Variants in DCAF1 observed in about 807,000 individuals in gnomAD.
DCAF1 encodes DDB1 and CUL4 associated factor 1.
Under a neutral mutation model 128.0 loss-of-function variants are expected in DCAF1, and 15 were observed. The ratio of observed to expected loss-of-function variants is 0.12; its 90% CI spans 0.08 to 0.18. The LOEUF (loss-of-function observed/expected upper bound fraction) is 0.18, where lower values mean the gene tolerates loss of function less well. DCAF1 is among the 10% of genes least tolerant of loss of function. The pLI, the probability that DCAF1 is intolerant of heterozygous loss-of-function variation, is 1.00. For missense variants in DCAF1, 988 were observed against 1,649.5 expected, an observed-to-expected ratio of 0.60 and a Z score of 6.95; for synonymous variants, 610 against 603.0, an observed-to-expected ratio of 1.01 and a Z score of -0.17.
At chr3:51,491,066 G>C (rs1553657765) in intron 2 of DCAF1, among the ~76,000 whole-genome samples, 1 of 149,888 alleles carries the variant, frequency 6.7e-6, no homozygotes, top group Admixed American at 6.7e-5. Flanking sequence ...AAACAAAGTC[G>C]GGGTCAGGCG....
At position 51,440,951 on chromosome 3, in the gene DCAF1, A is replaced by G. The variant is rs765037847; in HGVS notation, c.1128+19T>C. The G allele has an allele frequency of 5.0e-6, 8 of 1,588,384 alleles. No homozygotes were observed. In the Admixed American group the frequency reaches 1.1e-4, roughly 21 times the overall value. Reference sequence around the variant, plus strand: ...TTTTTAAAAAATCCCCGGTGACCCAATATTTTTAAGAACTTTACCTTTAGT... The same window carrying G: ...TTTTTAAAAAATCCCCGGTGACCCAGTATTTTTAAGAACTTTACCTTTAGT... On this transcript the variant is annotated intron_variant, in intron 9 of 24. Transcript: ENST00000684031.
At chr3:51,458,440 C>T (rs1703165223) in intron 6 of DCAF1, among the ~76,000 whole-genome samples, 2 of 152,242 alleles carry the variant, frequency 1.3e-5, no homozygotes, top group South Asian at 4.1e-4. Flanking sequence ...TACAAAGAGA[C>T]TTAGACTCCC....
upstream of DCAF1, among the ~76,000 whole-genome samples, chr3:51,502,595 C>T (rs1267910118): frequency 6.6e-6 from 1 of 151,700 alleles, no homozygotes; most frequent in Admixed American, 6.6e-5. Flanking sequence ...AAAAACAAAC[C>T]CAGCCTGGGG....
intron 8 of DCAF1, 126 bp downstream of exon 8, chr3:51,441,259 T>C: frequency 7.6e-7 from 1 of 1,322,398 alleles, no homozygotes; most frequent in Non-Finnish European, 1.0e-6. Flanking sequence ...ACTTGAACAG[T>C]TTCATGCAAA....
rs782730715 is a variant in DCAF1, at chr3:51,463,216, T to C, written c.273A>G (p.Ala91=). The C allele has an allele frequency of 8.9e-6, 14 of 1,568,136 alleles. No individual in the cohort carries two copies. The highest frequency in any genetic ancestry group is 2.4e-5 in the South Asian group (2 of 83,044). Residue 91 remains alanine, a synonymous_variant, in exon 6 of 25, where the codon GCA becomes GCG. Coordinates refer to ENST00000684031, the MANE Select transcript of DCAF1 (RefSeq NM_001387579.1). ...NDDFMNALVN[A]YVMTSREPPL... ...GGGGCTCTCGGCTTGTCATCACATATGCATTCACCAGCTGTAAAGAAAAAA... is the reference window on the plus strand; with the variant it reads ...GGGGCTCTCGGCTTGTCATCACATACGCATTCACCAGCTGTAAAGAAAAAA...
intron 4 of DCAF1, 39 bp from the exon 5 acceptor site, chr3:51,466,915 G>T: frequency 6.3e-7 from 1 of 1,599,276 alleles, no homozygotes; most frequent in Non-Finnish European, 8.6e-7. Flanking sequence ...AAAGGAATGA[G>T]TAAGTCATCC....
At chr3:51,441,251 T>C (rs1448764505) in intron 8 of DCAF1, 134 bp downstream of exon 8, 2 of 1,277,422 alleles carry the variant, frequency 1.6e-6, no homozygotes, top group African/African-American at 1.5e-5. Context: ...TGCATAAGAC[T>C]TGAACAGTTT....
At chr3:51,423,921 T>C (rs763320052) in intron 13 of DCAF1, among the ~76,000 whole-genome samples, 24 of 151,674 alleles carry the variant, frequency 1.6e-4, no homozygotes, top group Non-Finnish European at 2.9e-4. Flanking sequence ...AAAACCCACA[T>C]AGACAAGAGC....
intron 18 of DCAF1, among the ~76,000 whole-genome samples, chr3:51,415,157 T>G (rs1201328283): frequency 3.9e-5 from 6 of 152,130 alleles, no homozygotes; most frequent in Non-Finnish European, 7.3e-5. Flanking sequence ...TACCCACAAC[T>G]CTTCTCTAGT....
intron 24 of DCAF1, among the ~76,000 whole-genome samples, chr3:51,401,451 G>A (rs546704060): frequency 6.6e-6 from 1 of 152,336 alleles, no homozygotes; most frequent in South Asian, 2.1e-4. Context: ...GTGTGCTCCA[G>A]ATGCCACCTC....
intron 24 of DCAF1, 43 bp downstream of exon 24, chr3:51,403,100 C>T: frequency 6.4e-7 from 1 of 1,563,612 alleles, no homozygotes; most frequent in Non-Finnish European, 8.7e-7. Flanking sequence ...AGGGATCTTG[C>T]CCTGGGTGCC....
intron 6 of DCAF1, among the ~76,000 whole-genome samples, chr3:51,462,398 G>A (rs1267358572): frequency 4.0e-5 from 6 of 151,890 alleles, no homozygotes; most frequent in East Asian, 1.9e-4. Context: ...CAGCCTGGGC[G>A]ACAGAGCAAG....
chr3:51,481,264 T>C (rs1215481840), intron 3 of DCAF1, among the ~76,000 whole-genome samples: 1 of 152,152 alleles, frequency 6.6e-6, no homozygotes, highest in African/African-American at 2.4e-5. Flanking sequence ...TAGGTATGAA[T>C]GAAGGTAGGA....
intron 5 of DCAF1, among the ~76,000 whole-genome samples, chr3:51,464,218 T>G (rs930527098): frequency 9.3e-5 from 14 of 150,954 alleles, no homozygotes; most frequent in Non-Finnish European, 1.5e-4. Context: ...TCCATATTCT[T>G]GACAATGGTT....
intron 2 of DCAF1, among the ~76,000 whole-genome samples, chr3:51,494,585 AAG>A (rs1477594556): frequency 2.0e-5 from 3 of 152,200 alleles, no homozygotes; most frequent in East Asian, 3.8e-4. Flanking sequence ...AATGATCCAG[AAG>A]AGACTGCTTC....
intron 6 of DCAF1, among the ~76,000 whole-genome samples, chr3:51,453,783 T>C (rs555544046): frequency 1.8e-3 from 270 of 152,082 alleles, no homozygotes; most frequent in Middle Eastern, 0.017. Flanking sequence ...AGAAACCCCA[T>C]CTCTACTAAA....
chr3:51,499,279 G>T (rs1375570384), intron 1 of DCAF1, among the ~76,000 whole-genome samples: 3 of 152,190 alleles, frequency 2.0e-5, no homozygotes, highest in Non-Finnish European at 4.4e-5. Context: ...TGCGGGACCC[G>T]CACACCTCTC....
In DCAF1 at chr3:51,414,813, G is replaced by T; in HGVS notation, c.3648C>A (p.Asn1216Lys). 6.2e-7 allele frequency: 1 copy of T among 1,614,030 alleles called. No individual in the cohort carries two copies. Among genetic ancestry groups the T allele is most frequent in the Non-Finnish European group, 8.5e-7 (1 of 1,179,898 alleles). Residue 1216 changes from asparagine to lysine, a missense_variant, in exon 19 of 25, where the codon AAC becomes AAA. Coordinates refer to ENST00000684031, the MANE Select transcript of DCAF1 (RefSeq NM_001387579.1). ...QTGNKLLTLF[N>K]PDLANNYKRN... ...TCTTGTAGTTGTTGGCAAGATCTGGGTTAAACAGAGTCAACAGCTTGTTGC... is the reference window on the plus strand; with the variant it reads ...TCTTGTAGTTGTTGGCAAGATCTGGTTTAAACAGAGTCAACAGCTTGTTGC...
chr3:51,474,142 G>A (rs111255354), intron 3 of DCAF1, among the ~76,000 whole-genome samples: 3,060 of 152,124 alleles, frequency 0.02, 107 homozygotes, highest in African/African-American at 0.07. Context: ...TCTCCTGGCC[G>A]GCGCCGTGGC....
Sources: gnomAD v4.1 joint callset for allele counts (sites outside exome capture counted in the v4.1 genomes callset) on GRCh38, gnomAD v4.1.1 for gene constraint, MANE v1.5 for transcripts, NCBI Gene and HGNC (gene_info 2026-07-23, HGNC 2026-07-21) for gene names.